The following SNAPC3 variants were observed in gnomAD, a reference collection of about 807,000 sequenced individuals.
SNAPC3 encodes small nuclear RNA activating complex polypeptide 3, also known as snRNA-activating protein complex subunit 3.
A neutral mutation model predicts 47.7 loss-of-function variants in SNAPC3; 56 were observed. The observed-to-expected ratio is 1.18, with a 90% CI of 0.95 to 1.47. SNAPC3 has a LOEUF of 1.47. Among genes scored for constraint, SNAPC3 ranks in the 40% most tolerant of loss-of-function variants. The probability of loss-of-function intolerance (pLI) is 0.00; values close to 1 mark genes in which losing one functional copy is unlikely to be tolerated. For synonymous variants in SNAPC3, 235 were observed against 189.9 expected, an observed-to-expected ratio of 1.24 and a Z score of -1.95; for missense variants, 665 against 511.3, an observed-to-expected ratio of 1.30 and a Z score of -2.90.
rs200341680 is a variant in SNAPC3, at chr9:15,423,056, G to A, written c.177G>A (p.Gly59=). 8 of 1,520,582 alleles carry A rather than the reference G, an allele frequency of 5.3e-6. No individual in the cohort carries two copies. The highest frequency in any genetic ancestry group is 7.0e-6 in the Non-Finnish European group (8 of 1,142,148). 94.2% of individuals were successfully genotyped at this position (1,520,582 alleles called of 1,614,324 possible). ...ELWRGRLRGA[G]DLSLREPPAS... Reference sequence around the variant, plus strand: ...GGCGGGGCCGTCTGCGCGGGGCCGGGGACTTGTCGCTGAGGGAGCCGCCGG... The same window carrying A: ...GGCGGGGCCGTCTGCGCGGGGCCGGAGACTTGTCGCTGAGGGAGCCGCCGG... Residue 59 remains glycine (G), a synonymous_variant, in exon 1 of 9, where the codon GGG becomes GGA. Coordinates refer to ENST00000380821, the MANE Select transcript of SNAPC3 (RefSeq NM_001039697.2).
intron 4 of SNAPC3, among the ~76,000 whole-genome samples, chr9:15,446,664 G>C (rs1205479630): frequency 1.3e-5 from 2 of 150,976 alleles, no homozygotes; most frequent in Non-Finnish European, 2.9e-5. Context: ...GGCTGAAAGG[G>C]GAGAGGGGAA....
intron 2 of SNAPC3, among the ~76,000 whole-genome samples, chr9:15,427,698 T>C (rs1339891579): frequency 6.6e-6 from 1 of 152,072 alleles, no homozygotes; most frequent in Non-Finnish European, 1.5e-5. Context: ...ATTCTGCCCA[T>C]CCCCCTCACT....
rs140622626 is a variant in SNAPC3, at chr9:15,430,515, A to T, written c.393-3037A>T. On this transcript the variant is annotated intron_variant, in intron 2 of 8. Coordinates refer to ENST00000380821, the MANE Select transcript of SNAPC3 (RefSeq NM_001039697.2). ...GTGAAAAGAAAATACTAGAAAGGAA[A>T]TAATAAAGATAACAGAAATTAATGA... Among the ~76,000 whole-genome samples, 70 of 152,334 alleles carry T rather than the reference A, an allele frequency of 4.6e-4. No individual in the cohort carries two copies. The East Asian group carries it at 0.013, about 28-fold the overall frequency.
intron 4 of SNAPC3, among the ~76,000 whole-genome samples, chr9:15,446,191 A>G (rs1039167488): frequency 2.6e-5 from 4 of 152,080 alleles, no homozygotes; most frequent in African/African-American, 7.2e-5. Flanking sequence ...ATGGCTGAGT[A>G]TGTCAGTTGT....
chr9:15,425,342 G>A (rs1003474382), intron 2 of SNAPC3, among the ~76,000 whole-genome samples: 3 of 151,756 alleles, frequency 2.0e-5, no homozygotes, highest in African/African-American at 7.3e-5. Flanking sequence ...CTCAGCCTCC[G>A]GAGTAGCTGG....
At chr9:15,465,527 T>C (rs764951991), downstream of SNAPC3, 6 of 1,564,716 alleles carry the variant, frequency 3.8e-6, no homozygotes, top group East Asian at 4.5e-5. Context: ...AACCTAGTTA[T>C]CTAGTGTAGA....
At chr9:15,442,523 C>T (rs1214968538) in intron 3 of SNAPC3, among the ~76,000 whole-genome samples, 2 of 151,206 alleles carry the variant, frequency 1.3e-5, no homozygotes, top group African/African-American at 4.9e-5. Context: ...CGCTCCTCAC[C>T]TCCCAGATCG....
intron 3 of SNAPC3, 63 bp downstream of exon 3, chr9:15,433,699 G>C (rs1368517238): frequency 3.2e-5 from 33 of 1,030,654 alleles, no homozygotes; most frequent in Non-Finnish European, 4.7e-5. Context: ...CATTGGCTGA[G>C]GGTTAGTAAT....
downstream of SNAPC3, chr9:15,465,685 A>AAAAC: frequency 1.1e-6 from 1 of 879,142 alleles, no homozygotes; most frequent in Non-Finnish European, 1.7e-6. Flanking sequence ...GAAAAGACTG[A>AAAAC]AACCAACCAA....
At chr9:15,458,135 C>T (rs370840697) in intron 8 of SNAPC3, 68 bp downstream of exon 8, 1 of 775,994 alleles carries the variant, frequency 1.3e-6, no homozygotes, top group African/African-American at 1.8e-5. Context: ...TTTTGTTTTC[C>T]ACTTTGGATC....
chr9:15,456,996 T>G (rs753452122), intron 7 of SNAPC3, among the ~76,000 whole-genome samples: 1 of 152,238 alleles, frequency 6.6e-6, no homozygotes, highest in Non-Finnish European at 1.5e-5. Context: ...TGTGTAGTCC[T>G]TTCATCTTTC....
intron 3 of SNAPC3, among the ~76,000 whole-genome samples, chr9:15,440,727 A>G (rs1284479336): frequency 2.0e-5 from 3 of 152,168 alleles, no homozygotes; most frequent in African/African-American, 7.2e-5. Flanking sequence ...AGGCGGGCGG[A>G]TCACGAGGTC....
In SNAPC3 at chr9:15,445,163, T is replaced by C. The variant is rs80214995; in HGVS notation, c.582+457T>C. On this transcript the variant is annotated intron_variant, in intron 4 of 8. Transcript: ENST00000380821. The stretch of plus-strand genomic sequence containing the variant: ...GTTGACAATCTATAATCTTGTGCCA[T>C]CTGTTCTAATAAGGAATATTGGAAA... Among the ~76,000 whole-genome samples the C allele has an allele frequency of 1.3e-3, 201 of 152,306 alleles. 3 individuals are homozygous for C. The highest frequency in any genetic ancestry group is 4.6e-3 in the African/African-American group (191 of 41,564).
At chr9:15,458,762 A>T (rs943888865) in intron 8 of SNAPC3, among the ~76,000 whole-genome samples, 5 of 151,950 alleles carry the variant, frequency 3.3e-5, no homozygotes, top group Non-Finnish European at 4.4e-5. Flanking sequence ...AAAAACATAT[A>T]AAAAAAATCT....
At chr9:15,446,756 G>A (rs1182391676) in intron 4 of SNAPC3, among the ~76,000 whole-genome samples, 3 of 152,108 alleles carry the variant, frequency 2.0e-5, no homozygotes, top group African/African-American at 7.2e-5. Context: ...TGGCTAGTTC[G>A]AACAATTCCA....
chr9:15,451,494 G>A, intron 6 of SNAPC3, 92 bp downstream of exon 6: 1 of 530,538 alleles, frequency 1.9e-6, no homozygotes, highest in Non-Finnish European at 3.3e-6. Context: ...GCCTATTAAG[G>A]ACCTTTGCCA....
rs566806035 is a variant in SNAPC3, at chr9:15,435,728, TA to T, written c.477+2108del. Reference sequence around the variant, plus strand: ...TGGGCAACAGGAGTGAAACTCTGTCTAAAAAAAAAAAAAAAAGAGTTCTTTG... The same window carrying T: ...TGGGCAACAGGAGTGAAACTCTGTCTAAAAAAAAAAAAAAAGAGTTCTTTG... On this transcript the variant is annotated intron_variant, in intron 3 of 8. Coordinates refer to ENST00000380821, the MANE Select transcript of SNAPC3 (RefSeq NM_001039697.2). Among the ~76,000 whole-genome samples, 601 of 123,524 alleles carry T rather than the reference TA, an allele frequency of 4.9e-3. 1 individual carries two copies. Among genetic ancestry groups the T allele is most frequent in the Middle Eastern group, 8.4e-3 (2 of 238 alleles). 81.0% of individuals were successfully genotyped at this position (123,524 alleles called of 152,430 possible). A position where few individuals can be genotyped will look rare whatever the true frequency, so the allele number is the denominator to read the frequency against.
At chr9:15,464,033 T>G, downstream of SNAPC3, 1 of 174,510 alleles carries the variant, frequency 5.7e-6, no homozygotes, top group Non-Finnish European at 1.2e-5. Context: ...CACTTACTCT[T>G]GTAAATAGCA....
chr9:15,443,667 A>C lies in SNAPC3; in HGVS notation c.478-935A>C, dbSNP rs550395760. Among the ~76,000 whole-genome samples, 34 of 152,206 alleles carry C rather than the reference A, an allele frequency of 2.2e-4. No homozygotes were observed. In the South Asian group the frequency reaches 6.2e-3, roughly 28 times the overall value. On this transcript the variant is annotated intron_variant, in intron 3 of 8. Transcript: ENST00000380821. ...TGCTGCCACCAAGAGGGTCAAAACCAATGCACGTACCTGGACCAGGCACTC... is the reference window on the plus strand; with the variant it reads ...TGCTGCCACCAAGAGGGTCAAAACCCATGCACGTACCTGGACCAGGCACTC...
Sources: allele counts gnomAD v4.1 joint callset (sites outside exome capture counted in the v4.1 genomes callset), GRCh38; gene constraint gnomAD v4.1.1; transcripts MANE v1.5; gene names NCBI Gene and HGNC (gene_info 2026-07-23, HGNC 2026-07-21).